OGDH: variants seen among roughly 807,000 people sequenced by gnomAD.
OGDH encodes the protein 2-oxoglutarate dehydrogenase complex component E1.
A neutral mutation model predicts 116.6 loss-of-function variants in OGDH; 38 were observed. The observed-to-expected ratio is 0.33, with a 90% CI of 0.25 to 0.43. OGDH has a LOEUF of 0.43. OGDH is among the 20% of genes least tolerant of loss of function. The pLI is 1.00. For missense variants in OGDH, 825 were observed against 1,357.2 expected, an observed-to-expected ratio of 0.61 and a Z score of 6.16; for synonymous variants, 488 against 533.3, an observed-to-expected ratio of 0.92 and a Z score of 1.17.
chr7:44,696,025 G>A lies in OGDH; in HGVS notation c.1669G>A (p.Glu557Lys), dbSNP rs763624885. Residue 557 changes from glutamate (E) to lysine (K), a missense_variant and splice_region_variant, in exon 13 of 23, where the codon GAG becomes AAG. Around this residue, in one of 7 missense-constraint regions of OGDH, gnomAD observed 146 missense variants for 317.3 expected, o/e 0.46. Transcript: ENST00000222673. ...QGVVNQPEYE[E>K]EISKYDKICE... ...CGCTGTGTTGTGCCCAACCCTCCAG[G>A]AGGAAATTTCCAAGTATGATAAGAT... The A allele has an allele frequency of 6.3e-7, 1 of 1,587,346 alleles. No individual in the cohort carries two copies. Among genetic ancestry groups the A allele is most frequent in the Non-Finnish European group, 8.7e-7 (1 of 1,155,878 alleles).
intron 2 of OGDH, among the ~76,000 whole-genome samples, chr7:44,641,541 T>G (rs939131513): frequency 2.6e-5 from 4 of 152,100 alleles, no homozygotes; most frequent in Non-Finnish European, 4.4e-5. Flanking sequence ...AGGTTTTACG[T>G]GACAGTGGTA....
intron 2 of OGDH, among the ~76,000 whole-genome samples, chr7:44,626,231 CT>C (rs1785195846): frequency 7.0e-6 from 1 of 142,554 alleles, no homozygotes; most frequent in Admixed American, 7.2e-5. Flanking sequence ...CTGGCCCCTG[CT>C]TTTGATGTGA....
intron 2 of OGDH, among the ~76,000 whole-genome samples, chr7:44,640,032 A>G (rs117930827): frequency 6.0e-4 from 91 of 152,328 alleles, no homozygotes; most frequent in Non-Finnish European, 1.1e-3. Flanking sequence ...CCCGATGATC[A>G]TGATCGCCCT....
chr7:44,656,633 G>A (rs1350653937), intron 4 of OGDH, among the ~76,000 whole-genome samples: 1 of 152,126 alleles, frequency 6.6e-6, no homozygotes, highest in African/African-American at 2.4e-5. Context: ...TTCACTGTGA[G>A]CTGCCATCTT....
At chr7:44,653,733 C>A (rs1786556240) in intron 4 of OGDH, among the ~76,000 whole-genome samples, 1 of 151,950 alleles carries the variant, frequency 6.6e-6, no homozygotes, top group Non-Finnish European at 1.5e-5. Flanking sequence ...ACCATGTTGG[C>A]CAGGCTGGTC....
intron 2 of OGDH, 118 bp from the exon 3 acceptor site, chr7:44,645,209 A>G (rs766960486): frequency 3.3e-5 from 29 of 882,546 alleles, no homozygotes; most frequent in Middle Eastern, 2.3e-4. Flanking sequence ...AGGAGGAAGC[A>G]GGCTCAGCCA....
At chr7:44,680,938 G>T (rs555040188) in intron 9 of OGDH, among the ~76,000 whole-genome samples, 1 of 152,272 alleles carries the variant, frequency 6.6e-6, no homozygotes, top group South Asian at 2.1e-4. Context: ...GCAACCTGTC[G>T]AATAAAATAG....
chr7:44,649,249 T>TG (rs1160387886), intron 4 of OGDH, among the ~76,000 whole-genome samples: 1 of 144,624 alleles, frequency 6.9e-6, no homozygotes, highest in African/African-American at 2.6e-5. Flanking sequence ...TCTGTTGTTT[T>TG]TTTTTTTTTT....
chr7:44,632,118 A>T (rs1414951241), intron 2 of OGDH, among the ~76,000 whole-genome samples: 1 of 152,158 alleles, frequency 6.6e-6, no homozygotes, highest in Non-Finnish European at 1.5e-5. Context: ...TGATTTTGTT[A>T]TGTGCTGTGG....
At position 44,696,945 on chromosome 7, in the gene OGDH, A is replaced by G; in HGVS notation, c.1932A>G (p.Glu644=). ...GCCGGATCTTGAAGACTCGTGGGGA[A>G]ATGGTGAAGAACCGGACTGTGGACT... ...GLSRILKTRG[E]MVKNRTVDWA... The change falls in exon 15 of 23, where the codon GAA becomes GAG. Residue 644 remains glutamate (E), a synonymous_variant. Coordinates refer to ENST00000222673, the MANE Select transcript of OGDH (RefSeq NM_002541.4). The G allele has an allele frequency of 1.9e-6, 3 of 1,613,830 alleles. No individual in the cohort carries two copies. The highest frequency in any genetic ancestry group is 2.5e-6 in the Non-Finnish European group (3 of 1,179,774).
chr7:44,612,478 G>T (rs1784602945), intron 1 of OGDH, among the ~76,000 whole-genome samples: 1 of 151,496 alleles, frequency 6.6e-6, no homozygotes, highest in African/African-American at 2.4e-5. Context: ...CTGCATCCTG[G>T]GTTCAAGCGA....
chr7:44,632,610 T>C (rs1286098303), intron 2 of OGDH, among the ~76,000 whole-genome samples: 1 of 147,536 alleles, frequency 6.8e-6, no homozygotes, highest in Non-Finnish European at 1.5e-5. Context: ...GTGGATGTTT[T>C]TTGTTGTTGT....
chr7:44,684,640 A>G (rs934345840), intron 10 of OGDH, among the ~76,000 whole-genome samples: 13 of 152,194 alleles, frequency 8.5e-5, no homozygotes, highest in African/African-American at 2.9e-4. Flanking sequence ...TGAGGAGCAG[A>G]GAGATTGAAT....
At chr7:44,675,008 G>C (rs761382923) in intron 7 of OGDH, among the ~76,000 whole-genome samples, 170 bp from the exon 8 acceptor site, 1 of 151,944 alleles carries the variant, frequency 6.6e-6, no homozygotes, top group Non-Finnish European at 1.5e-5. Context: ...TGCCCAGCAC[G>C]GAGAGGCTCG....
chr7:44,687,414 T>G (rs1585368423), intron 10 of OGDH, among the ~76,000 whole-genome samples: 1 of 151,512 alleles, frequency 6.6e-6, no homozygotes, highest in East Asian at 1.9e-4. Context: ...AAAGAAATTT[T>G]TTTTGTTTTT....
chr7:44,608,229 C>G (rs945643764), intron 1 of OGDH, among the ~76,000 whole-genome samples: 1 of 152,152 alleles, frequency 6.6e-6, no homozygotes, highest in African/African-American at 2.4e-5. Flanking sequence ...AAGTGATACC[C>G]GGCGTCTACA....
chr7:44,647,046 C>T (rs1253952092), intron 3 of OGDH, among the ~76,000 whole-genome samples: 3 of 152,206 alleles, frequency 2.0e-5, no homozygotes, highest in African/African-American at 7.2e-5. Flanking sequence ...CTCAGCCTCC[C>T]AAGTAGCTGG....
Position 44,708,262 on chromosome 7 carries a change from C to T in OGDH, c.*263C>T, listed in dbSNP as rs550400226. ...GGGGAGCAGGAGGAGGAAAGGTAGC[C>T]CCCGAGGGATGTCCTTGGGGAGGGG... On this transcript the variant is annotated 3_prime_UTR_variant, in exon 23 of 23. Transcript: ENST00000222673. 93 of 431,802 alleles carry T rather than the reference C, an allele frequency of 2.2e-4. 1 individual carries two copies. Among genetic ancestry groups the T allele is most frequent in the African/African-American group, 1.7e-3 (86 of 49,792 alleles). 26.7% of individuals were successfully genotyped at this position (431,802 alleles called of 1,614,324 possible).
At position 44,671,708 on chromosome 7, in the gene OGDH, C is replaced by T. The variant is rs368499713; in HGVS notation, c.634-2079C>T. Among the ~76,000 whole-genome samples, 75 of 142,688 alleles carry T rather than the reference C, an allele frequency of 5.3e-4. 1 individual carries two copies. The highest frequency in any genetic ancestry group is 1.9e-3 in the African/African-American group (72 of 37,756). The allele number at this position is 142,688 out of a possible 152,430, so 93.6% of individuals were successfully genotyped here. A position where few individuals can be genotyped will look rare whatever the true frequency, so the allele number is the denominator to read the frequency against. On this transcript the variant is annotated intron_variant, in intron 5 of 22. Coordinates refer to ENST00000222673, the MANE Select transcript of OGDH (RefSeq NM_002541.4). ...GCTTGAACCCGGGAGGCGGAGGTTG[C>T]AGTGAGCTGGGATTGCACCACTGCA... is the stretch of plus-strand genomic sequence containing the variant.
Sources: allele counts gnomAD v4.1 joint callset (sites outside exome capture counted in the v4.1 genomes callset), GRCh38; gene constraint gnomAD v4.1.1; regional missense constraint gnomAD v4.1.1; transcripts MANE v1.5; gene names NCBI Gene and HGNC (gene_info 2026-07-23, HGNC 2026-07-21).